GOLIM4: variants seen among roughly 807,000 people sequenced by gnomAD.
GOLIM4 encodes golgi integral membrane protein 4, also known as 130 kDa golgi-localized phosphoprotein.
Under a neutral mutation model 107.4 loss-of-function variants are expected in GOLIM4, and 71 were observed. The ratio of observed to expected loss-of-function variants is 0.66; its 90% CI spans 0.55 to 0.81. The LOEUF is 0.81. GOLIM4 is among the 30% of genes least tolerant of loss of function. GOLIM4 has a pLI of 0.00. For synonymous variants in GOLIM4, 327 were observed against 294.8 expected, an observed-to-expected ratio of 1.11 and a Z score of -1.12; for missense variants, 830 against 826.1, an observed-to-expected ratio of 1.00 and a Z score of -0.06.
rs1717923815 is a variant in GOLIM4 at position 168,025,080 on chromosome 3, C to A, written c.1639G>T (p.Asp547Tyr). 1.9e-6 allele frequency: 3 copies of A among 1,612,844 alleles called. No individual in the cohort carries two copies. The highest frequency in any genetic ancestry group is 2.5e-6 in the Non-Finnish European group (3 of 1,179,304). ...TTAGGGTCATCTGCTGGGTTTATAT[C>A]TTCTACAGCTGCCCTCTGTAAAATT... The part of the protein sequence containing the change: ...ESEADRAAVE[D>Y]INPADDPNNQ... Residue 547 changes from aspartate (D) to tyrosine (Y), a missense_variant, in exon 13 of 16, where the codon GAT becomes TAT. Transcript: ENST00000470487.
At position 168,044,098 on chromosome 3, in the gene GOLIM4, G is replaced by A. The variant is rs534909538; in HGVS notation, c.367-569C>T. 1.5e-4 allele frequency among the ~76,000 whole-genome samples: 23 copies of A among 152,264 alleles called. No homozygotes were observed. In the South Asian group the frequency reaches 3.5e-3, roughly 23 times the overall value. ...TCTAGATAAACACTACAGTCTCCAA[G>A]TGCTTAATGTGAAAGCATGGTTTGC... On this transcript the variant is annotated intron_variant, in intron 4 of 15. Coordinates refer to ENST00000470487, the MANE Select transcript of GOLIM4 (RefSeq NM_014498.5).
chr3:168,027,925 T>G, intron 11 of GOLIM4, 88 bp from the exon 12 acceptor site: 1 of 797,196 alleles, frequency 1.3e-6, no homozygotes, highest in South Asian at 1.4e-5. Context: ...AGTGGACTTT[T>G]CTACAGACTA....
At chr3:168,092,165 A>C (rs1422603927) in intron 1 of GOLIM4, among the ~76,000 whole-genome samples, 2 of 152,198 alleles carry the variant, frequency 1.3e-5, no homozygotes, top group Admixed American at 6.5e-5. Context: ...AGCAGTTTAA[A>C]AACTTTAAAG....
At chr3:168,026,539 G>C (rs928583960) in intron 12 of GOLIM4, among the ~76,000 whole-genome samples, 2 of 152,112 alleles carry the variant, frequency 1.3e-5, no homozygotes, top group Admixed American at 1.3e-4. Context: ...CAAACAAACA[G>C]ATGACAGGAA....
chr3:168,030,483 A>G (rs1466839768), intron 9 of GOLIM4, among the ~76,000 whole-genome samples: 1 of 147,796 alleles, frequency 6.8e-6, no homozygotes, highest in Non-Finnish European at 1.5e-5. Context: ...CTAGTAATGT[A>G]TATACCAATC....
intron 1 of GOLIM4, among the ~76,000 whole-genome samples, chr3:168,053,867 G>A (rs549312923): frequency 1.1e-4 from 17 of 152,102 alleles, no homozygotes; most frequent in Admixed American, 3.9e-4. Context: ...CAGAATACTG[G>A]AGATCTCCTA....
chr3:168,051,042 G>C (rs1205974197), intron 1 of GOLIM4, among the ~76,000 whole-genome samples: 1 of 152,002 alleles, frequency 6.6e-6, no homozygotes, highest in African/African-American at 2.4e-5. Flanking sequence ...ATACAATGCA[G>C]CAGCAATCAG....
In GOLIM4 at chr3:168,067,588, T is replaced by C. The variant is rs539543659; in HGVS notation, c.188-19223A>G. Among the ~76,000 whole-genome samples, 209 of 151,954 alleles carry C rather than the reference T, an allele frequency of 1.4e-3. 1 individual carries two copies. The highest frequency in any genetic ancestry group is 5.0e-3 in the African/African-American group (207 of 41,434). ...AATACATGAGATAGAACGGCGTATT[T>C]TATTCTGTGTATTTTGTTTTTCATT... On this transcript the variant is annotated intron_variant, in intron 1 of 15. Transcript: ENST00000470487.
chr3:168,046,806 C>CAAAA (rs10663226), intron 3 of GOLIM4, 144 bp downstream of exon 3: 67 of 371,516 alleles, frequency 1.8e-4, no homozygotes, highest in Non-Finnish European at 2.3e-4. Context: ...TTTTGGCAGC[C>CAAAA]AAAAAAAAAA....
intron 1 of GOLIM4, among the ~76,000 whole-genome samples, chr3:168,062,540 C>T (rs968004477): frequency 6.6e-6 from 1 of 152,100 alleles, no homozygotes; most frequent in East Asian, 1.9e-4. Context: ...GTCAGGTGCC[C>T]TCCATAATAC....
chr3:168,068,842 T>A (rs1851395), intron 1 of GOLIM4, among the ~76,000 whole-genome samples: 63,464 of 142,562 alleles, frequency 0.45, 14,164 homozygotes, highest in Middle Eastern at 0.54. Context: ...ATTTTATTTT[T>A]TTTTTTTTTT....
At chr3:168,037,983 T>G (rs532288516) in intron 7 of GOLIM4, among the ~76,000 whole-genome samples, 1 of 152,304 alleles carries the variant, frequency 6.6e-6, no homozygotes, top group African/African-American at 2.4e-5. Flanking sequence ...GCGCAGCAGG[T>G]GAGTGGAGCC....
Position 168,010,149 on chromosome 3 carries a change from T to C in GOLIM4, c.*120A>G. 2.3e-6 allele frequency: 2 copies of C among 875,804 alleles called. No homozygotes were observed. The highest frequency in any genetic ancestry group is 3.4e-6 in the Non-Finnish European group (2 of 584,288). The allele number at this position is 875,804 out of a possible 1,614,324, so 54.3% of individuals were successfully genotyped here. ...ATGCGCATTTCTAATACAAAAGTTT[T>C]AAAAAAGTCTAAGTTCTTAATTTTT... On this transcript the variant is annotated 3_prime_UTR_variant, in exon 16 of 16. Coordinates refer to ENST00000470487, the MANE Select transcript of GOLIM4 (RefSeq NM_014498.5).
intron 1 of GOLIM4, among the ~76,000 whole-genome samples, chr3:168,079,443 G>A (rs183792443): frequency 8.3e-4 from 126 of 152,264 alleles, no homozygotes; most frequent in African/African-American, 2.9e-3. Flanking sequence ...GAGAGCTTCT[G>A]GGGTGCTGGT....
At position 168,013,446 on chromosome 3, in the gene GOLIM4, C is replaced by T. The variant is rs1717175789; in HGVS notation, c.1861-2623G>A. On this transcript the variant is annotated intron_variant, in intron 14 of 15. Transcript: ENST00000470487. ...ACTCCCACGCATTAATAATGGGAGA[C>T]TTTAACACCCCACTGTCAACATTAG... Among the ~76,000 whole-genome samples, 4 of 151,090 alleles carry T rather than the reference C, an allele frequency of 2.6e-5. No homozygotes were observed. The South Asian group carries it at 8.3e-4, about 31-fold the overall frequency.
intron 1 of GOLIM4, among the ~76,000 whole-genome samples, chr3:168,083,893 A>G (rs1452264913): frequency 6.6e-6 from 1 of 152,192 alleles, no homozygotes; most frequent in Non-Finnish European, 1.5e-5. Flanking sequence ...TAGAGATTCA[A>G]TTCTAATGAA....
intron 3 of GOLIM4, among the ~76,000 whole-genome samples, chr3:168,046,696 ATCT>A (rs1356055642): frequency 6.6e-6 from 1 of 152,132 alleles, no homozygotes; most frequent in Non-Finnish European, 1.5e-5. Flanking sequence ...AAATGAAATA[ATCT>A]TCTTTTTATA....
chr3:168,045,295 A>T (rs1719235287), intron 3 of GOLIM4, among the ~76,000 whole-genome samples: 1 of 152,174 alleles, frequency 6.6e-6, no homozygotes, highest in Non-Finnish European at 1.5e-5. Flanking sequence ...GGGCCTCACA[A>T]GCTGAGCATG....
intron 1 of GOLIM4, among the ~76,000 whole-genome samples, chr3:168,093,915 G>C (rs191883936): frequency 1.3e-5 from 2 of 152,300 alleles, no homozygotes; most frequent in Admixed American, 1.3e-4. Context: ...AAGCAAAGAA[G>C]AGGCATCTGT....
Sources: allele counts gnomAD v4.1 joint callset (sites outside exome capture counted in the v4.1 genomes callset), GRCh38; gene constraint gnomAD v4.1.1; transcripts MANE v1.5; gene names NCBI Gene and HGNC (gene_info 2026-07-23, HGNC 2026-07-21).